GABBR2: variants seen among roughly 807,000 people sequenced by gnomAD.
GABBR2 encodes gamma-aminobutyric acid type B receptor subunit 2.
Under a neutral mutation model 105.6 loss-of-function variants are expected in GABBR2, and 23 were observed. The ratio of observed to expected loss-of-function variants is 0.22; its 90% CI spans 0.16 to 0.31. GABBR2 has a LOEUF of 0.31. Among genes scored for constraint, GABBR2 ranks in the 10% least tolerant of loss-of-function variants. The pLI is 1.00. For synonymous variants in GABBR2, 478 were observed against 499.7 expected, an observed-to-expected ratio of 0.96 and a Z score of 0.58; for missense variants, 734 against 1,245.5, an observed-to-expected ratio of 0.59 and a Z score of 6.18.
chr9:98,620,158 T>C (rs1054240099), intron 1 of GABBR2, among the ~76,000 whole-genome samples: 2 of 152,200 alleles, frequency 1.3e-5, no homozygotes, highest in African/African-American at 4.8e-5. Flanking sequence ...ACATTTTATT[T>C]TTTCAAATCT....
chr9:98,597,932 T>G (rs1013415486), intron 1 of GABBR2, among the ~76,000 whole-genome samples: 1 of 152,168 alleles, frequency 6.6e-6, no homozygotes, highest in Non-Finnish European at 1.5e-5. Flanking sequence ...CCAACTCTAC[T>G]GCCTCAGCCT....
chr9:98,660,398 T>A (rs1295980516), intron 1 of GABBR2, among the ~76,000 whole-genome samples: 1 of 152,248 alleles, frequency 6.6e-6, no homozygotes, highest in Non-Finnish European at 1.5e-5. Flanking sequence ...TTTTTGCTTG[T>A]ACCAACCTGA....
intron 4 of GABBR2, among the ~76,000 whole-genome samples, chr9:98,482,559 C>A (rs1826947843): frequency 1.3e-5 from 2 of 152,198 alleles, no homozygotes; most frequent in Non-Finnish European, 2.9e-5. Context: ...ATCCATCCAT[C>A]CTTTCATCCA....
chr9:98,667,234 C>G (rs1830348498), intron 1 of GABBR2, among the ~76,000 whole-genome samples: 1 of 152,168 alleles, frequency 6.6e-6, no homozygotes, highest in African/African-American at 2.4e-5. Context: ...GTTTGTCCCT[C>G]TAACTTCCTC....
At position 98,454,258 on chromosome 9, in the gene GABBR2, G is replaced by T. The variant is rs199521107; in HGVS notation, c.1000-41C>A. The T allele has an allele frequency of 3.3e-5, 45 of 1,384,118 alleles. No individual in the cohort carries two copies. The African/African-American group carries it at 5.8e-4, about 18-fold the overall frequency. The allele number at this position is 1,384,118 out of a possible 1,614,324, so 85.7% of individuals were successfully genotyped here. A position where few individuals can be genotyped will look rare whatever the true frequency, so the allele number is the denominator to read the frequency against. On this transcript the variant is annotated intron_variant, in intron 6 of 18. Coordinates refer to ENST00000259455, the MANE Select transcript of GABBR2 (RefSeq NM_005458.8). The surrounding 1 kb of genome is among the most constrained non-coding windows in gnomAD (Gnocchi z 4.6). ...ATTGGGGGAATCCCAAGTTATACTC[G>T]GCAGGGACATCAGGTGCCTGATGCC...
intron 1 of GABBR2, among the ~76,000 whole-genome samples, chr9:98,702,118 G>A (rs973966029): frequency 1.3e-5 from 2 of 152,130 alleles, no homozygotes; most frequent in South Asian, 4.1e-4. Context: ...AAGCAGGTGA[G>A]TGGTGCCCAA....
chr9:98,568,053 C>T (rs1828775646), intron 2 of GABBR2, among the ~76,000 whole-genome samples: 1 of 152,170 alleles, frequency 6.6e-6, no homozygotes. Flanking sequence ...ACCTCTCTTC[C>T]CCTGAAGATC....
chr9:98,384,916 C>T (rs981789926), intron 11 of GABBR2, among the ~76,000 whole-genome samples: 18 of 152,118 alleles, frequency 1.2e-4, no homozygotes, highest in African/African-American at 4.1e-4. Flanking sequence ...TCTAAAAATG[C>T]TCCTTAGGGG....
At chr9:98,670,936 A>G (rs548737656) in intron 1 of GABBR2, among the ~76,000 whole-genome samples, 11 of 152,310 alleles carry the variant, frequency 7.2e-5, no homozygotes, top group African/African-American at 2.4e-4. Context: ...TTATGAATGT[A>G]TTTAATACCA....
At chr9:98,681,363 TCACTCATAGGTGGGAATTGAA>T (rs1830543649) in intron 1 of GABBR2, among the ~76,000 whole-genome samples, 1 of 71,856 alleles carries the variant, frequency 1.4e-5, no homozygotes, top group Non-Finnish European at 2.6e-5. Context: ...CCGCATATTC[TCACTCATAGGTGGGAATTGAA>T]CAATGAGATC....
At chr9:98,351,902 T>C (rs1831405384) in intron 13 of GABBR2, among the ~76,000 whole-genome samples, 2 of 152,268 alleles carry the variant, frequency 1.3e-5, no homozygotes, top group East Asian at 3.8e-4. Context: ...TTCAAATTTC[T>C]TGTATCCTTA....
chr9:98,591,628 T>G (rs1469707531), intron 1 of GABBR2, among the ~76,000 whole-genome samples: 1 of 152,102 alleles, frequency 6.6e-6, no homozygotes, highest in African/African-American at 2.4e-5. Flanking sequence ...AGGAGAGACA[T>G]GTGTCCACTG....
intron 4 of GABBR2, among the ~76,000 whole-genome samples, chr9:98,491,622 T>C (rs143891180): frequency 1.4e-3 from 218 of 152,346 alleles, no homozygotes; most frequent in African/African-American, 4.7e-3. Context: ...TCTACCTAAT[T>C]ATGAAACTCA....
Position 98,299,255 on chromosome 9 carries a change from G to A in GABBR2, c.2511C>T (p.Ile837=). The change falls in exon 17 of 19, where the codon ATC becomes ATT. Residue 837 remains isoleucine, a synonymous_variant. Coordinates refer to ENST00000259455, the MANE Select transcript of GABBR2 (RefSeq NM_005458.8). ...KQNHYQELND[I]LNLGNFTEST... ...TCTCAGTGAAGTTTCCCAGGTTGAG[G>A]ATGTCATTGAGCTCTTGGTAGTGGT... 3 of 1,614,116 alleles carry A rather than the reference G, an allele frequency of 1.9e-6. No homozygotes were observed. Among genetic ancestry groups the A allele is most frequent in the Non-Finnish European group, 2.5e-6 (3 of 1,180,016 alleles).
intron 4 of GABBR2, among the ~76,000 whole-genome samples, chr9:98,481,890 C>T (rs1826929784): frequency 6.6e-6 from 1 of 152,228 alleles, no homozygotes; most frequent in African/African-American, 2.4e-5. Context: ...ATTCATTCAA[C>T]AGACAATTAC....
In GABBR2 at chr9:98,289,885, T is replaced by G. The variant is rs1286585360; in HGVS notation, c.*699A>C. ...CCCTAAATCCCCACGGTCCCAGGAATGGGTGTTATTGTGTTAACGTGTGGC... is the reference window on the plus strand; with the variant it reads ...CCCTAAATCCCCACGGTCCCAGGAAGGGGTGTTATTGTGTTAACGTGTGGC... On this transcript the variant is annotated 3_prime_UTR_variant, in exon 19 of 19. Transcript: ENST00000259455. 1.3e-5 allele frequency: 2 copies of G among 152,658 alleles called. No homozygotes were observed. Among genetic ancestry groups the G allele is most frequent in the Admixed American group, 1.3e-4 (2 of 15,290 alleles). The allele number at this position is 152,658 out of a possible 1,614,324, so 9.5% of individuals were successfully genotyped here.
At chr9:98,470,139 G>T (rs1826640824) in intron 6 of GABBR2, among the ~76,000 whole-genome samples, 1 of 152,152 alleles carries the variant, frequency 6.6e-6, no homozygotes, top group African/African-American at 2.4e-5. Flanking sequence ...ATGGGGAGGG[G>T]TTTGATAAAT....
chr9:98,680,316 A>T (rs189550947), intron 1 of GABBR2, among the ~76,000 whole-genome samples: 2,293 of 151,940 alleles, frequency 0.015, 52 homozygotes, highest in African/African-American at 0.049. Context: ...TTATTTATTT[A>T]TTTTTTTGAG....
intron 7 of GABBR2, among the ~76,000 whole-genome samples, chr9:98,453,456 G>A (rs1826270983): frequency 6.6e-6 from 1 of 152,164 alleles, no homozygotes; most frequent in Non-Finnish European, 1.5e-5. Flanking sequence ...ACAGAAAGAT[G>A]GTCACCAAAA....
Sources: allele counts gnomAD v4.1 joint callset (sites outside exome capture counted in the v4.1 genomes callset), GRCh38; gene constraint gnomAD v4.1.1; non-coding constraint Gnocchi (gnomAD v3.1); transcripts MANE v1.5; gene names NCBI Gene and HGNC (gene_info 2026-07-23, HGNC 2026-07-21).